SOX5: variants seen among roughly 807,000 people sequenced by gnomAD.
SOX5 encodes the protein transcription factor SOX-5.
A neutral mutation model predicts 92.0 loss-of-function variants in SOX5; 9 were observed. That is an observed-to-expected ratio of 0.10 (90% CI 0.06 to 0.17). SOX5 has a LOEUF of 0.17. SOX5 is among the 10% of genes least tolerant of loss of function. SOX5 has a pLI of 1.00. For missense variants in SOX5, 642 were observed against 944.5 expected, an observed-to-expected ratio of 0.68 and a Z score of 4.20; for synonymous variants, 344 against 336.3, an observed-to-expected ratio of 1.02 and a Z score of -0.25.
intron 2 of SOX5, among the ~76,000 whole-genome samples, chr12:24,328,959 A>G (rs551127205): frequency 6.6e-5 from 10 of 152,288 alleles, no homozygotes; most frequent in African/African-American, 1.9e-4. Flanking sequence ...ATCATACAAA[A>G]TATTTCTATT....
In SOX5 at chr12:23,711,790, T is replaced by A. The variant is rs1305202692; in HGVS notation, c.810+22894A>T. Among the ~76,000 whole-genome samples the A allele has an allele frequency of 2.0e-5, 3 of 152,174 alleles. No individual in the cohort carries two copies. The East Asian group carries it at 5.8e-4, about 29-fold the overall frequency. On this transcript the variant is annotated intron_variant, in intron 6 of 14. Coordinates refer to ENST00000451604, the MANE Select transcript of SOX5 (RefSeq NM_006940.6). Reference sequence around the variant, plus strand: ...ACACAATATAACAAGTCCTGGCACTTACCTCAAAAAGAAATGAAACAAATC... The same window carrying A: ...ACACAATATAACAAGTCCTGGCACTAACCTCAAAAAGAAATGAAACAAATC...
intron 4 of SOX5, among the ~76,000 whole-genome samples, chr12:24,193,774 G>A (rs1956748511): frequency 6.6e-6 from 1 of 152,152 alleles, no homozygotes; most frequent in African/African-American, 2.4e-5. Flanking sequence ...ATACATTACA[G>A]TAGTGCAAGT....
intron 10 of SOX5, among the ~76,000 whole-genome samples, chr12:23,573,945 T>C (rs1948747512): frequency 6.6e-6 from 1 of 151,984 alleles, no homozygotes; most frequent in South Asian, 2.1e-4. Flanking sequence ...GGTTGTTTTC[T>C]ACTTCTAAGT....
intron 1 of SOX5, among the ~76,000 whole-genome samples, chr12:23,918,426 C>T (rs1309257354): frequency 6.6e-6 from 1 of 152,100 alleles, no homozygotes; most frequent in African/African-American, 2.4e-5. Context: ...GTTAAAATAC[C>T]TGAAGCTAGC....
At chr12:23,610,853 A>C (rs1322039097) in intron 8 of SOX5, among the ~76,000 whole-genome samples, 1 of 152,282 alleles carries the variant, frequency 6.6e-6, no homozygotes, top group Middle Eastern at 3.4e-3. Flanking sequence ...AAATGGGTGA[A>C]GATTATTTGA....
At chr12:24,181,688 A>G (rs1372091564) in intron 4 of SOX5, among the ~76,000 whole-genome samples, 3 of 152,154 alleles carry the variant, frequency 2.0e-5, no homozygotes, top group Non-Finnish European at 4.4e-5. Context: ...ATTAGCTAGT[A>G]TTATTGTTAT....
chr12:23,921,353 C>T (rs1336460168), intron 1 of SOX5, among the ~76,000 whole-genome samples: 1 of 151,364 alleles, frequency 6.6e-6, no homozygotes, highest in East Asian at 1.9e-4. Context: ...GAAACTATTG[C>T]TCTAAGACCT....
chr12:24,289,547 G>A (rs1320834043), intron 2 of SOX5, among the ~76,000 whole-genome samples: 1 of 141,618 alleles, frequency 7.1e-6, no homozygotes. Flanking sequence ...TCCGCCTCCC[G>A]GGTTCACGCC....
At chr12:23,600,873 G>A (rs1213874281) in intron 9 of SOX5, among the ~76,000 whole-genome samples, 1 of 151,870 alleles carries the variant, frequency 6.6e-6, no homozygotes, top group Non-Finnish European at 1.5e-5. Context: ...TACAGCACTC[G>A]TATAACACCA....
intron 1 of SOX5, among the ~76,000 whole-genome samples, chr12:24,432,973 ATTT>A (rs1244352081): frequency 6.6e-6 from 1 of 152,172 alleles, no homozygotes; most frequent in Non-Finnish European, 1.5e-5. Context: ...ATATGATTTT[ATTT>A]GCTTCTTTTT....
At chr12:24,182,549 A>G (rs1391861699) in intron 4 of SOX5, among the ~76,000 whole-genome samples, 1 of 152,164 alleles carries the variant, frequency 6.6e-6, no homozygotes, top group Non-Finnish European at 1.5e-5. Flanking sequence ...CCAAAAAGAA[A>G]AATACATGCT....
chr12:23,586,910 A>G (rs996963535), intron 9 of SOX5, among the ~76,000 whole-genome samples: 9 of 150,186 alleles, frequency 6.0e-5, no homozygotes, highest in African/African-American at 2.2e-4. Context: ...CTATTTAAAT[A>G]CAGATATTAT....
chr12:24,102,707 T>C (rs564731149), intron 4 of SOX5, among the ~76,000 whole-genome samples: 28 of 152,370 alleles, frequency 1.8e-4, no homozygotes, highest in African/African-American at 5.5e-4. Context: ...TCTCAATTTA[T>C]GTGGACTCTC....
intron 4 of SOX5, among the ~76,000 whole-genome samples, chr12:23,964,264 A>C (rs1947295734): frequency 6.6e-6 from 1 of 152,152 alleles, no homozygotes; most frequent in South Asian, 2.1e-4. Flanking sequence ...AATTATCACA[A>C]GTTTGTCTTT....
At chr12:24,451,592 ATATC>A (rs947982875) in intron 1 of SOX5, among the ~76,000 whole-genome samples, 1 of 152,218 alleles carries the variant, frequency 6.6e-6, no homozygotes, top group Non-Finnish European at 1.5e-5. Context: ...AAAAAAATGA[ATATC>A]TAATATTAAC....
chr12:23,887,456 C>A (rs556396697), intron 2 of SOX5, among the ~76,000 whole-genome samples: 1 of 152,282 alleles, frequency 6.6e-6, no homozygotes, highest in East Asian at 1.9e-4. Context: ...TTTTTAACTT[C>A]CAAATATAAG....
At chr12:24,367,465 A>T (rs545989482) in intron 2 of SOX5, among the ~76,000 whole-genome samples, 10 of 152,300 alleles carry the variant, frequency 6.6e-5, no homozygotes, top group African/African-American at 1.7e-4. Flanking sequence ...TTAAGTTTAC[A>T]TGGGCATCAG....
chr12:24,073,397 A>G (rs751601515), intron 4 of SOX5, among the ~76,000 whole-genome samples: 23 of 152,140 alleles, frequency 1.5e-4, no homozygotes, highest in Admixed American at 4.6e-4. Context: ...GACAATCTTG[A>G]CTCTAATCTT....
chr12:23,662,092 G>A (rs1194705266), intron 7 of SOX5, among the ~76,000 whole-genome samples: 3 of 151,940 alleles, frequency 2.0e-5, no homozygotes, highest in African/African-American at 7.3e-5. Context: ...GTGTTTTCAT[G>A]TAATTATTTT....
Sources: gnomAD v4.1 joint callset for allele counts (sites outside exome capture counted in the v4.1 genomes callset) on GRCh38, gnomAD v4.1.1 for gene constraint, MANE v1.5 for transcripts, NCBI Gene and HGNC (gene_info 2026-07-23, HGNC 2026-07-21) for gene names.